Variants in AGMO observed in about 807,000 individuals in gnomAD.
The protein encoded by AGMO is alkylglycerol monooxygenase, also known as glyceryl-ether monooxygenase.
A neutral mutation model predicts 60.2 loss-of-function variants in AGMO; 75 were observed. The ratio of observed to expected loss-of-function variants is 1.25; its 90% CI spans 1.03 to 1.51. The LOEUF is 1.51. AGMO is among the 40% of genes most tolerant of loss of function. AGMO has a pLI of 0.00. For missense variants in AGMO, 763 were observed against 525.5 expected (o/e 1.45, Z -4.42); for synonymous variants, 261 against 177.1 (o/e 1.47, Z -3.76).
intron 3 of AGMO, among the ~76,000 whole-genome samples, chr7:15,465,145 G>C (rs1409184188): frequency 6.6e-6 from 1 of 151,890 alleles, no homozygotes; most frequent in African/African-American, 2.4e-5. Context: ...TTTTGTTTTT[G>C]AGTAGCCTTT....
intron 3 of AGMO, among the ~76,000 whole-genome samples, chr7:15,508,138 C>G (rs1783569938): frequency 6.6e-6 from 1 of 151,786 alleles, no homozygotes; most frequent in African/African-American, 2.4e-5. Flanking sequence ...CGAAATAATG[C>G]AGGGAAAAAA....
At position 15,307,264 on chromosome 7, in the gene AGMO, G is replaced by A. The variant is rs115417223; in HGVS notation, c.1263+58250C>T. Among the ~76,000 whole-genome samples the A allele has an allele frequency of 2.1e-3, 321 of 152,068 alleles. 2 individuals are homozygous for A. Among genetic ancestry groups the A allele is most frequent in the African/African-American group, 7.1e-3 (294 of 41,506 alleles). On this transcript the variant is annotated intron_variant, in intron 12 of 12. Transcript: ENST00000342526. ...AAACGTGGGAATCCTTGTTTGACATGACTTGTCTTCAAAAGCCAAGCCCAT... is the reference window on the plus strand; with the variant it reads ...AAACGTGGGAATCCTTGTTTGACATAACTTGTCTTCAAAAGCCAAGCCCAT...
At chr7:15,445,297 A>G (rs1781668130) in intron 3 of AGMO, among the ~76,000 whole-genome samples, 1 of 152,190 alleles carries the variant, frequency 6.6e-6, no homozygotes, top group Non-Finnish European at 1.5e-5. Flanking sequence ...TTTAAAAGAA[A>G]AGTTCATGAA....
At chr7:15,286,719 C>T (rs1784110696) in intron 12 of AGMO, among the ~76,000 whole-genome samples, 1 of 152,108 alleles carries the variant, frequency 6.6e-6, no homozygotes, top group African/African-American at 2.4e-5. Flanking sequence ...AATCCCACTA[C>T]TGGGTATCTC....
At chr7:15,313,094 C>G (rs1024694699) in intron 12 of AGMO, among the ~76,000 whole-genome samples, 24 of 152,162 alleles carry the variant, frequency 1.6e-4, no homozygotes, top group African/African-American at 5.8e-4. Flanking sequence ...GGAACATTCA[C>G]TGTGAAACAT....
chr7:15,322,981 A>AATTT (rs1554413878), intron 12 of AGMO, among the ~76,000 whole-genome samples: 1 of 146,376 alleles, frequency 6.8e-6, no homozygotes, highest in Non-Finnish European at 1.5e-5. Flanking sequence ...ATATATATGT[A>AATTT]TTTATTTTTT....
intron 12 of AGMO, among the ~76,000 whole-genome samples, chr7:15,250,640 T>G (rs531347481): frequency 6.6e-6 from 1 of 152,020 alleles, no homozygotes; most frequent in Non-Finnish European, 1.5e-5. Flanking sequence ...TGAAGAAATC[T>G]GGAGATGACC....
intron 3 of AGMO, among the ~76,000 whole-genome samples, chr7:15,498,923 A>G (rs1783306476): frequency 6.6e-6 from 1 of 151,950 alleles, no homozygotes; most frequent in African/African-American, 2.4e-5. Flanking sequence ...CTAATATGAA[A>G]CAGTCTCTGA....
At chr7:15,230,500 C>T (rs759510549) in intron 12 of AGMO, among the ~76,000 whole-genome samples, 1 of 152,156 alleles carries the variant, frequency 6.6e-6, no homozygotes, top group South Asian at 2.1e-4. Context: ...CTCCTCACAC[C>T]AGACTTGGTG....
intron 3 of AGMO, among the ~76,000 whole-genome samples, chr7:15,511,251 T>C (rs1180773651): frequency 6.6e-6 from 1 of 152,042 alleles, no homozygotes; most frequent in Non-Finnish European, 1.5e-5. Context: ...CATGTAGACA[T>C]GCCAGTGAAC....
chr7:15,322,751 T>TAAATATATATAAATATATAAATATATAA (rs1781211136), intron 12 of AGMO, among the ~76,000 whole-genome samples: 1 of 129,918 alleles, frequency 7.7e-6, no homozygotes, highest in Non-Finnish European at 1.6e-5. Context: ...TAAATATATA[T>TAAATATATATAAATATATAAATATATAA]AAATATATAT....
At chr7:15,322,992 AT>A (rs1781227986) in intron 12 of AGMO, among the ~76,000 whole-genome samples, 2 of 106,266 alleles carry the variant, frequency 1.9e-5, no homozygotes, top group Admixed American at 1.3e-4. Flanking sequence ...TTTATTTTTT[AT>A]TTTTTCCTGT....
intron 12 of AGMO, among the ~76,000 whole-genome samples, chr7:15,233,192 CAT>C (rs1464860882): frequency 5.3e-5 from 8 of 152,166 alleles, no homozygotes; most frequent in African/African-American, 1.7e-4. Context: ...TAAATTTCCA[CAT>C]GAGGACATTA....
chr7:15,183,831 C>T, the AGMO span, among the ~76,000 whole-genome samples: 1 of 152,062 alleles, frequency 6.6e-6, no homozygotes, highest in Non-Finnish European at 1.5e-5. Context: ...AATATATAAA[C>T]AAATTATTTT....
intron 12 of AGMO, among the ~76,000 whole-genome samples, chr7:15,202,466 A>C (rs1406426449): frequency 1.3e-5 from 1 of 77,818 alleles, no homozygotes; most frequent in African/African-American, 6.3e-5. Flanking sequence ...AGCAAAAAAA[A>C]AAAAAAAAAA....
At chr7:15,347,336 T>G (rs1224552027) in intron 12 of AGMO, among the ~76,000 whole-genome samples, 1 of 152,076 alleles carries the variant, frequency 6.6e-6, no homozygotes, top group South Asian at 2.1e-4. Context: ...AATGCCAAAC[T>G]AGATAATTAG....
At chr7:15,284,875 A>C (rs1784060699) in intron 12 of AGMO, among the ~76,000 whole-genome samples, 1 of 152,094 alleles carries the variant, frequency 6.6e-6, no homozygotes, top group South Asian at 2.1e-4. Context: ...AAAAGATAAT[A>C]AATCATGATC....
chr7:15,305,990 T>A (rs924348697), intron 12 of AGMO, among the ~76,000 whole-genome samples: 1 of 152,020 alleles, frequency 6.6e-6, no homozygotes, highest in Admixed American at 6.6e-5. Flanking sequence ...TTCTGGTAAT[T>A]CATAAATTCT....
intron 12 of AGMO, among the ~76,000 whole-genome samples, chr7:15,338,443 G>A (rs1221589485): frequency 2.8e-5 from 4 of 140,460 alleles, no homozygotes; most frequent in Non-Finnish European, 6.1e-5. Context: ...CTGTTTTTGA[G>A]ATTTGGCATT....
Sources: gnomAD v4.1 joint callset for allele counts (sites outside exome capture counted in the v4.1 genomes callset) on GRCh38, gnomAD v4.1.1 for gene constraint, MANE v1.5 for transcripts, NCBI Gene and HGNC (gene_info 2026-07-23, HGNC 2026-07-21) for gene names.